Variants in TENM4 observed in about 807,000 individuals in gnomAD.
TENM4 encodes the protein teneurin transmembrane protein 4, also known as teneurin-4.
TENM4 carries 82 observed loss-of-function variants against 243.3 expected under a neutral mutation model. That is an observed-to-expected ratio of 0.34 (90% CI 0.28 to 0.40). TENM4 has a LOEUF of 0.40. Among genes scored for constraint, TENM4 ranks in the 10% least tolerant of loss-of-function variants. The probability of loss-of-function intolerance (pLI) is 1.00; values close to 1 mark genes in which losing one functional copy is unlikely to be tolerated. For synonymous variants in TENM4, 1,412 were observed against 1,456.3 expected, an observed-to-expected ratio of 0.97 and a Z score of 0.69; for missense variants, 3,138 against 3,673.3, an observed-to-expected ratio of 0.85 and a Z score of 3.77.
intron 6 of TENM4, among the ~76,000 whole-genome samples, chr11:78,920,825 C>A (rs1034492535): frequency 1.3e-5 from 2 of 152,178 alleles, no homozygotes; most frequent in African/African-American, 4.8e-5. Context: ...GTATTTGAGT[C>A]TGTGGCTGTT....
chr11:78,809,171 C>G (rs927531027), intron 14 of TENM4, among the ~76,000 whole-genome samples: 15 of 152,104 alleles, frequency 9.9e-5, no homozygotes, highest in African/African-American at 3.6e-4. Context: ...CGTAATGAGT[C>G]TAAGGAAGGA....
chr11:78,861,328 G>A (rs928119178), intron 10 of TENM4, among the ~76,000 whole-genome samples: 1 of 152,192 alleles, frequency 6.6e-6, no homozygotes, highest in South Asian at 2.1e-4. Flanking sequence ...TTCTCCTTTT[G>A]AAGAGGAGAA....
At chr11:79,415,295 T>G (rs758643296) in intron 1 of TENM4, among the ~76,000 whole-genome samples, 2 of 152,266 alleles carry the variant, frequency 1.3e-5, no homozygotes, top group Non-Finnish European at 2.9e-5. Flanking sequence ...CACTCATGTC[T>G]ATGCCCCCAA....
intron 13 of TENM4, among the ~76,000 whole-genome samples, chr11:78,814,011 C>G (rs945503042): frequency 1.3e-5 from 2 of 152,182 alleles, no homozygotes; most frequent in Admixed American, 6.5e-5. Flanking sequence ...TGCCACTCCA[C>G]CTGCCCCAGC....
At chr11:78,935,974 T>C (rs1235977707) in intron 6 of TENM4, among the ~76,000 whole-genome samples, 1 of 152,208 alleles carries the variant, frequency 6.6e-6, no homozygotes, top group East Asian at 1.9e-4. Context: ...AAGGGCCCTC[T>C]GAGTGAAAGC....
At chr11:78,902,784 A>T (rs1006631400) in intron 7 of TENM4, among the ~76,000 whole-genome samples, 2 of 152,212 alleles carry the variant, frequency 1.3e-5, no homozygotes, top group African/African-American at 4.8e-5. Flanking sequence ...GGAGACTGAC[A>T]TAGCTGAGTG....
rs528832568 is a variant in TENM4, at chr11:79,432,770, T to C, written c.-321+7739A>G. On this transcript the variant is annotated intron_variant, in intron 1 of 33. Coordinates refer to ENST00000278550, the MANE Select transcript of TENM4 (RefSeq NM_001098816.3). ...AAAGGACCTCTAAAGGGAAACACTT[T>C]GCTAAATTATCAGTTTGAATTACAT... Among the ~76,000 whole-genome samples, 5 of 152,346 alleles carry C rather than the reference T, an allele frequency of 3.3e-5. No individual in the cohort carries two copies. In the East Asian group the frequency reaches 9.6e-4, roughly 29 times the overall value.
At chr11:78,723,556 T>C (rs1009332578) in intron 23 of TENM4, among the ~76,000 whole-genome samples, 1 of 152,274 alleles carries the variant, frequency 6.6e-6, no homozygotes, top group Non-Finnish European at 1.5e-5. Flanking sequence ...TCCCAGCTCC[T>C]GTATAGATCT....
chr11:79,246,632 T>A (rs948079522), intron 2 of TENM4, among the ~76,000 whole-genome samples: 1 of 152,140 alleles, frequency 6.6e-6, no homozygotes, highest in African/African-American at 2.4e-5. Flanking sequence ...CTTAAAAAGA[T>A]GACATTGAGC....
At chr11:79,283,602 A>T (rs1856197920) in intron 2 of TENM4, among the ~76,000 whole-genome samples, 1 of 152,250 alleles carries the variant, frequency 6.6e-6, no homozygotes, top group Non-Finnish European at 1.5e-5. Context: ...CACATCTAAC[A>T]TTCTACTTAA....
chr11:78,932,371 G>C (rs1331525610), intron 6 of TENM4, among the ~76,000 whole-genome samples: 2 of 152,202 alleles, frequency 1.3e-5, no homozygotes, highest in Non-Finnish European at 2.9e-5. Context: ...AGGTCACTCA[G>C]TCTGATGATG....
chr11:79,103,819 C>T (rs577390176), intron 4 of TENM4, among the ~76,000 whole-genome samples: 83 of 152,294 alleles, frequency 5.4e-4, no homozygotes, highest in Middle Eastern at 3.4e-3. Flanking sequence ...TCCTCTGCTC[C>T]CCACTCGCTG....
intron 4 of TENM4, among the ~76,000 whole-genome samples, chr11:79,142,884 AG>A (rs1262436640): frequency 6.6e-6 from 1 of 152,116 alleles, no homozygotes; most frequent in Non-Finnish European, 1.5e-5. Context: ...CACTGGGGAA[AG>A]GACACTCTCT....
intron 1 of TENM4, among the ~76,000 whole-genome samples, chr11:79,374,315 A>G (rs1207656306): frequency 1.3e-5 from 2 of 152,074 alleles, no homozygotes; most frequent in East Asian, 1.9e-4. Flanking sequence ...CTGTGTCCCT[A>G]TGTGGCAAAG....
intron 5 of TENM4, chr11:79,068,067 G>A (rs1461294224): frequency 6.6e-6 from 1 of 152,206 alleles, no homozygotes; most frequent in African/African-American, 2.4e-5. Context: ...CATGTGCTAG[G>A]TCCAAGCCAA....
rs1482087840 is a variant in TENM4 at position 79,328,587 on chromosome 11, T to TGGCGGA, written c.-320-31045_-320-31044insTCCGCC. 3.3e-5 allele frequency among the ~76,000 whole-genome samples: 5 copies of TGGCGGA among 151,848 alleles called. No homozygotes were observed. In the South Asian group the frequency reaches 8.4e-4, roughly 25 times the overall value. ...GTTCTGTATGCCTGGTAAGAGGCGG[T>TGGCGGA]GGCGGTGGTGGTGGCGGTGTGGGGA... On this transcript the variant is annotated intron_variant, in intron 1 of 33. Coordinates refer to ENST00000278550, the MANE Select transcript of TENM4 (RefSeq NM_001098816.3).
chr11:79,188,619 G>A (rs1863419194), intron 3 of TENM4, among the ~76,000 whole-genome samples: 1 of 151,684 alleles, frequency 6.6e-6, no homozygotes, highest in Non-Finnish European at 1.5e-5. Context: ...AAAGAAGAAG[G>A]AAGGGAAGAA....
chr11:79,135,783 A>G (rs1240066724), intron 4 of TENM4, among the ~76,000 whole-genome samples: 1 of 147,454 alleles, frequency 6.8e-6, no homozygotes, highest in African/African-American at 2.5e-5. Flanking sequence ...CATATATATG[A>G]TATATATCAT....
chr11:79,310,903 G>A (rs770136710), intron 1 of TENM4, among the ~76,000 whole-genome samples: 1 of 152,200 alleles, frequency 6.6e-6, no homozygotes, highest in Non-Finnish European at 1.5e-5. Context: ...AAGTGGGTAG[G>A]AGAGGGTTCT....
Sources: allele counts gnomAD v4.1 joint callset (sites outside exome capture counted in the v4.1 genomes callset), GRCh38; gene constraint gnomAD v4.1.1; transcripts MANE v1.5; gene names NCBI Gene and HGNC (gene_info 2026-07-23, HGNC 2026-07-21).